Variants in KCNQ5 observed in about 807,000 individuals in gnomAD.
KCNQ5 encodes the protein potassium voltage-gated channel subfamily KQT member 5.
A neutral mutation model predicts 98.2 loss-of-function variants in KCNQ5; 30 were observed. The ratio of observed to expected loss-of-function variants is 0.31; its 90% CI spans 0.23 to 0.41. The LOEUF (loss-of-function observed/expected upper bound fraction) is 0.41. Ranked by LOEUF, KCNQ5 falls within the 10% of genes least tolerant of loss-of-function variation. KCNQ5 has a pLI of 1.00. For synonymous variants in KCNQ5, 458 were observed against 449.4 expected (o/e 1.02, Z -0.24); for missense variants, 835 against 1,182.5 (o/e 0.71, Z 4.31).
At chr6:73,073,632 T>C (rs1340078740) in intron 3 of KCNQ5, among the ~76,000 whole-genome samples, 1 of 152,214 alleles carries the variant, frequency 6.6e-6, no homozygotes, top group Non-Finnish European at 1.5e-5. Context: ...GATGGTCAGA[T>C]GAATGATTGA....
intron 1 of KCNQ5, among the ~76,000 whole-genome samples, chr6:72,911,388 A>T (rs1254412499): frequency 1.3e-5 from 2 of 152,168 alleles, no homozygotes; most frequent in Non-Finnish European, 2.9e-5. Flanking sequence ...AGAAGTTGGT[A>T]GTCTGCAACC....
intron 1 of KCNQ5, among the ~76,000 whole-genome samples, chr6:72,931,915 T>C (rs1765710652): frequency 6.6e-6 from 1 of 151,922 alleles, no homozygotes; most frequent in Admixed American, 6.6e-5. Context: ...GCAGGTAAAA[T>C]GAAAGTTAAT....
At chr6:73,142,651 C>T (rs1271926067) in intron 10 of KCNQ5, among the ~76,000 whole-genome samples, 1 of 152,160 alleles carries the variant, frequency 6.6e-6, no homozygotes, top group Admixed American at 6.5e-5. Flanking sequence ...TGCGATGGTT[C>T]ATGCCTGTAA....
At chr6:73,162,044 G>A (rs558258134) in intron 10 of KCNQ5, among the ~76,000 whole-genome samples, 132 of 151,658 alleles carry the variant, frequency 8.7e-4, no homozygotes, top group African/African-American at 3.1e-3. Flanking sequence ...AGCCTCCCAA[G>A]TAGCTGGGAT....
intron 1 of KCNQ5, among the ~76,000 whole-genome samples, chr6:72,657,117 A>G (rs199812594): frequency 6.6e-6 from 1 of 152,130 alleles, no homozygotes; most frequent in African/African-American, 2.4e-5. Context: ...GATTGAGGCA[A>G]GAGGATAGTT....
chr6:72,677,951 C>T (rs1767497257), intron 1 of KCNQ5, among the ~76,000 whole-genome samples: 2 of 152,132 alleles, frequency 1.3e-5, no homozygotes, highest in Admixed American at 1.3e-4. Context: ...GTTCAGATAG[C>T]AGCTATTCTG....
At chr6:72,870,086 G>C (rs1230652444) in intron 1 of KCNQ5, among the ~76,000 whole-genome samples, 4 of 152,198 alleles carry the variant, frequency 2.6e-5, no homozygotes, top group South Asian at 2.1e-4. Context: ...CTGGTGTTTT[G>C]ATTATTATTC....
At chr6:72,766,677 A>T (rs1247108552) in intron 1 of KCNQ5, among the ~76,000 whole-genome samples, 1 of 151,986 alleles carries the variant, frequency 6.6e-6, no homozygotes, top group Non-Finnish European at 1.5e-5. Context: ...GAAAATTCCA[A>T]GGCTTTTGTC....
At chr6:72,679,718 T>TAAA (rs1000849103) in intron 1 of KCNQ5, among the ~76,000 whole-genome samples, 2 of 151,026 alleles carry the variant, frequency 1.3e-5, no homozygotes, top group Admixed American at 1.3e-4. Flanking sequence ...AAACTTAAAG[T>TAAA]ATAATAATAA....
intron 3 of KCNQ5, among the ~76,000 whole-genome samples, chr6:73,051,705 C>CAAAAAAAAAA (rs201199934): frequency 1.6e-4 from 16 of 97,170 alleles, no homozygotes; most frequent in African/African-American, 6.2e-4. Flanking sequence ...AAGATAGAGG[C>CAAAAAAAAAA]AAAAAAAAAA....
At chr6:72,775,645 T>C (rs1773126076) in intron 1 of KCNQ5, among the ~76,000 whole-genome samples, 1 of 152,134 alleles carries the variant, frequency 6.6e-6, no homozygotes, top group African/African-American at 2.4e-5. Context: ...GCGGTCGACA[T>C]CATCACTCAT....
chr6:72,800,499 A>G (rs1330450598), intron 1 of KCNQ5, among the ~76,000 whole-genome samples: 1 of 151,980 alleles, frequency 6.6e-6, no homozygotes, highest in Non-Finnish European at 1.5e-5. Flanking sequence ...TATTGCATCT[A>G]TTTGATTCTT....
At chr6:72,786,248 A>G (rs1053601994) in intron 1 of KCNQ5, among the ~76,000 whole-genome samples, 2 of 152,170 alleles carry the variant, frequency 1.3e-5, no homozygotes, top group Non-Finnish European at 2.9e-5. Context: ...AGTGGCTGCT[A>G]TGTCAGACGA....
At position 73,198,006 on chromosome 6, in the gene KCNQ5, T is replaced by C. The variant is rs982643557; in HGVS notation, c.*2592T>C. On this transcript the variant is annotated 3_prime_UTR_variant, in exon 14 of 14. Transcript: ENST00000370398. ...TGTCTATCTTACTCTAGCACAAAAA[T>C]TGGGGGATGTTAAAAGATAGTTGTG... 6.6e-6 allele frequency: 1 copy of C among 152,186 alleles called. No individual in the cohort carries two copies. Among genetic ancestry groups the C allele is most frequent in the South Asian group, 2.1e-4 (1 of 4,832 alleles). 9.4% of individuals were successfully genotyped at this position (152,186 alleles called of 1,614,324 possible). A position where few individuals can be genotyped will look rare whatever the true frequency, so the allele number is the denominator to read the frequency against.
intron 1 of KCNQ5, among the ~76,000 whole-genome samples, chr6:72,954,531 CTGTGTGTG>C (rs3068309): frequency 1.5e-3 from 219 of 150,112 alleles, no homozygotes; most frequent in East Asian, 0.011. Flanking sequence ...CAAGACTTTT[CTGTGTGTG>C]TGTGTGTGTG....
Position 72,893,664 on chromosome 6 carries a change from G to A in KCNQ5, c.399-110244G>A, listed in dbSNP as rs115868392. On this transcript the variant is annotated intron_variant, in intron 1 of 13. Transcript: ENST00000370398. ...TCTCCTGGTAATAATAATGAATTTA[G>A]ACCTATTTTTCCACACCATTTTTGC... Among the ~76,000 whole-genome samples the A allele has an allele frequency of 3.6e-3, 542 of 152,248 alleles. 2 individuals are homozygous for A. The highest frequency in any genetic ancestry group is 0.014 in the Middle Eastern group (4 of 294).
chr6:72,788,817 G>A (rs2154478160), intron 1 of KCNQ5, among the ~76,000 whole-genome samples: 1 of 152,128 alleles, frequency 6.6e-6, no homozygotes, highest in Middle Eastern at 3.4e-3. Context: ...AAGTTTTAAG[G>A]TAGGATATTA....
intron 2 of KCNQ5, among the ~76,000 whole-genome samples, chr6:73,009,083 A>G (rs1218726748): frequency 1.3e-5 from 2 of 151,938 alleles, no homozygotes; most frequent in African/African-American, 2.4e-5. Context: ...TCGACCTCCT[A>G]GGTTCAAGAG....
chr6:72,825,730 C>T (rs1775965607), intron 1 of KCNQ5, among the ~76,000 whole-genome samples: 1 of 152,116 alleles, frequency 6.6e-6, no homozygotes, highest in African/African-American at 2.4e-5. Context: ...CATTCTTTAG[C>T]CACCTAGCAA....
Sources: gnomAD v4.1 joint callset for allele counts (sites outside exome capture counted in the v4.1 genomes callset) on GRCh38, gnomAD v4.1.1 for gene constraint, MANE v1.5 for transcripts, NCBI Gene and HGNC (gene_info 2026-07-23, HGNC 2026-07-21) for gene names.